Variants in ELFN2 observed in about 807,000 individuals in gnomAD.
ELFN2 encodes the protein protein phosphatase 1 regulatory subunit 29.
In ELFN2, 17 loss-of-function variants were observed where a neutral mutation model predicts 45.5. The observed-to-expected ratio is 0.37, with a 90% CI of 0.26 to 0.56. The LOEUF (loss-of-function observed/expected upper bound fraction) is 0.56. ELFN2 is among the 20% of genes least tolerant of loss of function. The pLI, the probability that ELFN2 is intolerant of heterozygous loss-of-function variation, is 0.77. For synonymous variants in ELFN2, 550 were observed against 551.5 expected (o/e 1.00, Z 0.04); for missense variants, 922 against 1,183.2 (o/e 0.78, Z 3.24).
intron 2 of ELFN2, among the ~76,000 whole-genome samples, chr22:37,379,183 G>A (rs949029208): frequency 3.3e-5 from 5 of 152,318 alleles, no homozygotes; most frequent in South Asian, 2.1e-4. Context: ...AGGCACCGAC[G>A]GCAGTGAGCT....
At position 37,361,443 on chromosome 22, in the gene ELFN2, C is replaced by T. The variant is rs548842237; in HGVS notation, n.149-18740G>A. Among the ~76,000 whole-genome samples, 14 of 151,914 alleles carry T rather than the reference C, an allele frequency of 9.2e-5. No homozygotes were observed. The South Asian group carries it at 1.2e-3, about 14-fold the overall frequency. Reference sequence around the variant, plus strand: ...CCACTCAACTCCTGGGCCCAAGTGACGCCATCTCCCCTTCCACCTCCCCAG... The same window carrying T: ...CCACTCAACTCCTGGGCCCAAGTGATGCCATCTCCCCTTCCACCTCCCCAG... On this transcript the variant is annotated intron_variant and non_coding_transcript_variant, in intron 1 of 2. Transcript: ENST00000452946.
rs759226065 is a variant in ELFN2 at position 37,407,276 on chromosome 22, G to A, written c.-463+10493C>T. Among the ~76,000 whole-genome samples the A allele has an allele frequency of 2.1e-4, 32 of 152,284 alleles. No individual in the cohort carries two copies. In the Middle Eastern group the frequency reaches 0.01, roughly 49 times the overall value. On this transcript the variant is annotated intron_variant, in intron 2 of 2. Transcript: ENST00000402918. ...CTGAAATTCAGGCTATACCACAAGC[G>A]AGCTGGAGGGCACGATTTTTGGAAA...
At chr22:37,357,709 G>T (rs574649708) in intron 1 of ELFN2, among the ~76,000 whole-genome samples, 1 of 152,192 alleles carries the variant, frequency 6.6e-6, no homozygotes, top group African/African-American at 2.4e-5. Context: ...AAAATGTTGC[G>T]GTGCCCTAGA....
intron 1 of ELFN2, among the ~76,000 whole-genome samples, chr22:37,423,557 G>A (rs1290827237): frequency 6.6e-6 from 1 of 152,192 alleles, no homozygotes; most frequent in Non-Finnish European, 1.5e-5. Context: ...TCTTCAAAAT[G>A]AGGAATAATA....
Position 37,374,665 on chromosome 22 carries a change from G to T in ELFN2, c.870C>A (p.Thr290=). 1 of 1,612,858 alleles carries T rather than the reference G, an allele frequency of 6.2e-7. No homozygotes were observed. Among genetic ancestry groups the T allele is most frequent in the African/African-American group, 1.3e-5 (1 of 75,042 alleles). ...TGGCTGGCCCTGCCGACGCATCCGT[G>T]GTGGACGAGGCCGGCGGCTCCACCG... The part of the protein sequence containing the change: ...ILSVEPPASS[T]TDASAGPAIK... Residue 290 remains threonine, a synonymous_variant, in exon 3 of 3, where the codon ACC becomes ACA. Coordinates refer to ENST00000402918, the MANE Select transcript of ELFN2 (RefSeq NM_052906.5).
chr22:37,402,991 G>A (rs1286705209), intron 2 of ELFN2, among the ~76,000 whole-genome samples: 1 of 152,072 alleles, frequency 6.6e-6, no homozygotes, highest in African/African-American at 2.4e-5. Flanking sequence ...AATGGCCCGG[G>A]CCAGAGACCA....
intron 2 of ELFN2, among the ~76,000 whole-genome samples, chr22:37,412,996 C>T (rs1932687569): frequency 6.6e-6 from 1 of 152,226 alleles, no homozygotes; most frequent in Admixed American, 6.5e-5. Flanking sequence ...GTCCAAATCC[C>T]TGCTCTGCAC....
In ELFN2 at chr22:37,374,430, G is replaced by T. The variant is rs1263043950; in HGVS notation, c.1105C>A (p.Arg369Ser). The T allele has an allele frequency of 6.2e-7, 1 of 1,614,000 alleles. No homozygotes were observed. The highest frequency in any genetic ancestry group is 8.5e-7 in the Non-Finnish European group (1 of 1,179,888). The part of the protein sequence containing the change: ...FCVTSLRNSR[R>S]FNHTCLTFTT... ...AAGGTCAGGCAGGTGTGGTTGAAGCGGCGGCTGTTGCGCAGCGAGGTCACG... is the reference window on the plus strand; with the variant it reads ...AAGGTCAGGCAGGTGTGGTTGAAGCTGCGGCTGTTGCGCAGCGAGGTCACG... The change falls in exon 3 of 3, where the codon CGC (arginine) becomes AGC (serine). Residue 369 changes from arginine to serine, a missense_variant. By Grantham distance (110) the Arg-to-Ser change is moderately radical. This residue lies in a region of ELFN2 where 358 missense variants were observed against 540.4 expected (regional missense o/e 0.66). Transcript: ENST00000402918.
Position 37,374,267 on chromosome 22 carries a change from C to T in ELFN2, c.1268G>A (p.Arg423His), listed in dbSNP as rs767275235. ...GAVYYCLRKR[R>H]MQEEKQKSVN... ...AGACTTCTGCTTCTCCTCCTGCATG[C>T]GCCGCTTGCGCAGGCAGTAGTACAC... is the stretch of plus-strand genomic sequence containing the variant. Residue 423 changes from arginine to histidine, a missense_variant, in exon 3 of 3, where the codon CGC becomes CAC. By Grantham distance (29) the Arg-to-His change is conservative (BLOSUM62 0). Coordinates refer to ENST00000402918, the MANE Select transcript of ELFN2 (RefSeq NM_052906.5). 7 of 1,613,852 alleles carry T rather than the reference C, an allele frequency of 4.3e-6. No individual in the cohort carries two copies. The highest frequency in any genetic ancestry group is 1.6e-4 in the Middle Eastern group (1 of 6,084).
intron 1 of ELFN2, chr22:37,354,097 T>C (rs1930889079): frequency 6.6e-6 from 1 of 152,222 alleles, no homozygotes; most frequent in African/African-American, 2.4e-5. Flanking sequence ...CCGATCCACA[T>C]GAATGAATCA....
intron 2 of ELFN2, among the ~76,000 whole-genome samples, chr22:37,399,796 ACTT>A (rs1483346650): frequency 6.6e-6 from 1 of 151,660 alleles, no homozygotes; most frequent in Non-Finnish European, 1.5e-5. Context: ...CCCAGACTTC[ACTT>A]CTTCACCTCC....
At chr22:37,355,727 C>T (rs931153539) in intron 1 of ELFN2, among the ~76,000 whole-genome samples, 3 of 152,116 alleles carry the variant, frequency 2.0e-5, no homozygotes, top group Admixed American at 6.5e-5. Flanking sequence ...AGTCCGTGGC[C>T]GGGGGAGCCT....
At chr22:37,408,422 C>T (rs1325927108) in intron 2 of ELFN2, among the ~76,000 whole-genome samples, 1 of 152,252 alleles carries the variant, frequency 6.6e-6, no homozygotes, top group Non-Finnish European at 1.5e-5. Flanking sequence ...GCCTGAGCCT[C>T]ACTGCACGGA....
At chr22:37,393,730 T>A (rs1932140127) in intron 2 of ELFN2, among the ~76,000 whole-genome samples, 2 of 151,862 alleles carry the variant, frequency 1.3e-5, no homozygotes, top group Non-Finnish European at 2.9e-5. Flanking sequence ...TGACTCGGGG[T>A]CCCCAGAGCG....
chr22:37,350,442 C>T (rs1308834465), intron 1 of ELFN2, among the ~76,000 whole-genome samples: 1 of 150,426 alleles, frequency 6.6e-6, no homozygotes, highest in African/African-American at 2.4e-5. Flanking sequence ...CTCTGGCCAC[C>T]CAGGGGGTGA....
At chr22:37,393,836 G>A (rs1045166759) in intron 2 of ELFN2, among the ~76,000 whole-genome samples, 1 of 152,112 alleles carries the variant, frequency 6.6e-6, no homozygotes, top group Non-Finnish European at 1.5e-5. Context: ...TCCTTTATAG[G>A]CCCGATCTCT....
At chr22:37,388,323 G>A (rs1327267121) in intron 2 of ELFN2, among the ~76,000 whole-genome samples, 4 of 152,190 alleles carry the variant, frequency 2.6e-5, no homozygotes, top group East Asian at 3.9e-4. Context: ...GGTTCCCACA[G>A]CCCCCTGTGC....
At chr22:37,377,387 C>T (rs949379322) in intron 2 of ELFN2, among the ~76,000 whole-genome samples, 2 of 152,208 alleles carry the variant, frequency 1.3e-5, no homozygotes, top group Non-Finnish European at 2.9e-5. Flanking sequence ...GAGAAATCCA[C>T]GTTTGGACAC....
At chr22:37,392,491 T>C (rs1932109654) in intron 2 of ELFN2, among the ~76,000 whole-genome samples, 1 of 151,990 alleles carries the variant, frequency 6.6e-6, no homozygotes, top group South Asian at 2.1e-4. Flanking sequence ...CTAATTTTTG[T>C]GTATTTTTAG....
Sources: gnomAD v4.1 joint callset for allele counts (sites outside exome capture counted in the v4.1 genomes callset) on GRCh38, gnomAD v4.1.1 for gene constraint, gnomAD v4.1.1 regional missense constraint, MANE v1.5 for transcripts, NCBI Gene and HGNC (gene_info 2026-07-23, HGNC 2026-07-21) for gene names.